SLC43A3: variants seen among roughly 807,000 people sequenced by gnomAD.
SLC43A3 encodes equilibrative nucleobase transporter 1.
Under a neutral mutation model 53.3 loss-of-function variants are expected in SLC43A3, and 33 were observed. The ratio of observed to expected loss-of-function variants is 0.62; its 90% confidence interval spans 0.47 to 0.83. The LOEUF (loss-of-function observed/expected upper bound fraction) is 0.83. Among genes scored for constraint, SLC43A3 ranks in the 40% least tolerant of loss-of-function variants. The probability of loss-of-function intolerance (pLI) is 0.00; values close to 1 mark genes in which losing one functional copy is unlikely to be tolerated. For synonymous variants in SLC43A3, 236 were observed against 246.2 expected (o/e 0.96, Z 0.39); for missense variants, 530 against 610.0 (o/e 0.87, Z 1.38).
intron 9 of SLC43A3, 177 bp from the exon 10 acceptor site, chr11:57,415,283 C>T: frequency 6.5e-7 from 1 of 1,530,958 alleles, no homozygotes; most frequent in African/African-American, 1.4e-5. Flanking sequence ...CACCTCCCTG[C>T]TTTGTCATGC....
intron 5 of SLC43A3, 151 bp downstream of exon 5, chr11:57,423,831 A>G (rs945780240): frequency 7.7e-6 from 5 of 651,092 alleles, no homozygotes; most frequent in Admixed American, 2.5e-5. Context: ...GACCAGCAAT[A>G]GCTCAAGATC....
chr11:57,421,203 C>G, intron 6 of SLC43A3, 94 bp downstream of exon 6: 1 of 1,311,752 alleles, frequency 7.6e-7, no homozygotes, highest in Non-Finnish European at 1.1e-6. Flanking sequence ...TTGGGCCAAC[C>G]CCATCTGAGG....
At chr11:57,418,668 T>C (rs564709176) in intron 7 of SLC43A3, among the ~76,000 whole-genome samples, 2 of 152,194 alleles carry the variant, frequency 1.3e-5, no homozygotes, top group Admixed American at 6.5e-5. Flanking sequence ...GGCAAGCAGA[T>C]CACCTGAGGC....
chr11:57,416,167 G>A (rs111569242), intron 9 of SLC43A3, among the ~76,000 whole-genome samples: 6 of 152,104 alleles, frequency 3.9e-5, no homozygotes, highest in Non-Finnish European at 8.8e-5. Flanking sequence ...AACCAAAGAC[G>A]CAGAACAGAG....
At position 57,410,034 on chromosome 11, in the gene SLC43A3, GCA is replaced by G. The variant is rs1942380105; in HGVS notation, c.1146_1147del (p.Ala383LeufsTer71). On this transcript the variant is annotated frameshift_variant, in exon 12 of 14. Transcript: ENST00000395124. LOFTEE classifies it high-confidence loss of function. ...CTGGAGAGGGAGGATGGGGACTGAGGCACAGAGGGCGAAGCCCAGGCACAGCA... is the reference window on the plus strand; with the variant it reads ...CTGGAGAGGGAGGATGGGGACTGAGGCAGAGGGCGAAGCCCAGGCACAGCA... The G allele has an allele frequency of 1.2e-6, 2 of 1,613,088 alleles. No individual in the cohort carries two copies. Among genetic ancestry groups the G allele is most frequent in the Non-Finnish European group, 1.7e-6 (2 of 1,179,746 alleles).
Position 57,425,775 on chromosome 11 carries a change from C to T in SLC43A3, c.185-105G>A, listed in dbSNP as rs1943180542. On this transcript the variant is annotated intron_variant, in intron 3 of 13. Coordinates refer to ENST00000395124, the MANE Select transcript of SLC43A3 (RefSeq NM_199329.3). The stretch of plus-strand genomic sequence containing the variant: ...GACAGCTTGTCGGTCGCAAACTTGT[C>T]CCTTAAGCTGAGTTGAAATGTGGCT... The T allele has an allele frequency of 1.9e-6, 3 of 1,541,136 alleles. No individual in the cohort carries two copies. In the South Asian group the frequency reaches 3.6e-5, roughly 19 times the overall value.
chr11:57,413,875 C>T (rs192949682), intron 11 of SLC43A3, among the ~76,000 whole-genome samples: 10 of 152,292 alleles, frequency 6.6e-5, no homozygotes, highest in Non-Finnish European at 1.5e-4. Context: ...TCTCCAAGGC[C>T]CCGCCTCTTC....
At chr11:57,410,810 T>TG (rs916379775) in intron 11 of SLC43A3, among the ~76,000 whole-genome samples, 1 of 152,172 alleles carries the variant, frequency 6.6e-6, no homozygotes, top group Non-Finnish European at 1.5e-5. Flanking sequence ...AACTGAATCA[T>TG]GGGGGCCAGT....
chr11:57,417,836 C>A lies in SLC43A3; in HGVS notation c.583G>T (p.Val195Phe). The stretch of plus-strand genomic sequence containing the variant: ...CGTGCTACATGCCAGGTACTGCAGA[C>A]AGAGATGAAGATGAAGGAGGCCCTG... ...SLRASFIFIS[V>F]CSTWHVARTF... Residue 195 changes from valine (V) to phenylalanine (F), a missense_variant, in exon 8 of 14, where the codon GTC (valine) becomes TTC (phenylalanine). Physicochemically the swap from Val to Phe is conservative, Grantham distance 50 (BLOSUM62 -1). This residue lies in a region of SLC43A3 where 376 missense variants were observed against 386.7 expected (regional missense o/e 0.97). Coordinates refer to ENST00000395124, the MANE Select transcript of SLC43A3 (RefSeq NM_199329.3). 1 of 1,614,148 alleles carries A rather than the reference C, an allele frequency of 6.2e-7. No homozygotes were observed. The highest frequency in any genetic ancestry group is 1.1e-5 in the South Asian group (1 of 91,084).
chr11:57,412,723 G>A (rs750547341), intron 11 of SLC43A3, among the ~76,000 whole-genome samples: 8 of 151,816 alleles, frequency 5.3e-5, no homozygotes, highest in African/African-American at 1.5e-4. Context: ...CAGGAGAATC[G>A]CTTGAACCTG....
Position 57,409,925 on chromosome 11 carries a change from G to A in SLC43A3, c.1247+10C>T, listed in dbSNP as rs989572596. 1.2e-6 allele frequency: 2 copies of A among 1,602,756 alleles called. No homozygotes were observed. The highest frequency in any genetic ancestry group is 2.7e-5 in the African/African-American group (2 of 74,636). On this transcript the variant is annotated intron_variant, in intron 12 of 13. Transcript: ENST00000395124. ...TCCGTCTCCACAGAGCCCGCCCCAA[G>A]GCCACTTACGCAAGGGTGAGGAAGG...
At chr11:57,411,658 T>G (rs572297807) in intron 11 of SLC43A3, among the ~76,000 whole-genome samples, 45 of 152,030 alleles carry the variant, frequency 3.0e-4, no homozygotes, top group Middle Eastern at 3.4e-3. Context: ...GAGTGAGACC[T>G]CATCCCTAAA....
intron 4 of SLC43A3, 70 bp downstream of exon 4, chr11:57,425,471 C>A: frequency 6.5e-7 from 1 of 1,548,272 alleles, no homozygotes; most frequent in Non-Finnish European, 8.8e-7. Context: ...CTGGATTTCA[C>A]TCCAAGCTAG....
intron 11 of SLC43A3, among the ~76,000 whole-genome samples, chr11:57,413,086 C>T (rs1942557122): frequency 6.7e-6 from 1 of 148,202 alleles, no homozygotes; most frequent in East Asian, 2.0e-4. Flanking sequence ...AAAAATTAAA[C>T]TGCGTTTCCT....
chr11:57,424,272 G>A (rs1259773833), intron 4 of SLC43A3, among the ~76,000 whole-genome samples: 4 of 152,246 alleles, frequency 2.6e-5, no homozygotes, highest in Non-Finnish European at 5.9e-5. Flanking sequence ...CCCAAGGCTA[G>A]CATGGAAAGT....
rs1230573888 is a variant in SLC43A3, at chr11:57,426,327, A to G, written c.-155T>C. On this transcript the variant is annotated 5_prime_UTR_variant, in exon 3 of 14. Coordinates refer to ENST00000395124, the MANE Select transcript of SLC43A3 (RefSeq NM_199329.3). ...CTGGTTGTTTCAGGCCTGGGCAAAA[A>G]CCATCAGCGGGTGATTCTCTGGATC... is the stretch of plus-strand genomic sequence containing the variant. 22 of 645,280 alleles carry G rather than the reference A, an allele frequency of 3.4e-5. No homozygotes were observed. The highest frequency in any genetic ancestry group is 4.8e-5 in the Non-Finnish European group (18 of 378,734). The allele number at this position is 645,280 out of a possible 1,614,324, so 40.0% of individuals were successfully genotyped here. A position where few individuals can be genotyped will look rare whatever the true frequency, so the allele number is the denominator to read the frequency against.
At chr11:57,418,517 C>G (rs892327681) in intron 7 of SLC43A3, among the ~76,000 whole-genome samples, 1 of 151,976 alleles carries the variant, frequency 6.6e-6, no homozygotes, top group African/African-American at 2.4e-5. Flanking sequence ...AACAGCAAGA[C>G]CTCATCTCTA....
intron 9 of SLC43A3, among the ~76,000 whole-genome samples, chr11:57,415,548 C>T (rs1942680608): frequency 1.3e-5 from 2 of 152,148 alleles, no homozygotes; most frequent in African/African-American, 2.4e-5. Flanking sequence ...GGAAATCTTC[C>T]TCTACCCTAA....
chr11:57,426,264 T>G lies in SLC43A3; in HGVS notation c.-92A>C. ...CCTGGCGTTTGAGCACTTGGAAAAT[T>G]CCTCTGGCAAGCCAAGCCCTTCCTT... On this transcript the variant is annotated 5_prime_UTR_variant, in exon 3 of 14. Coordinates refer to ENST00000395124, the MANE Select transcript of SLC43A3 (RefSeq NM_199329.3). 3.8e-6 allele frequency: 5 copies of G among 1,299,546 alleles called. No homozygotes were observed. Among genetic ancestry groups the G allele is most frequent in the Non-Finnish European group, 5.3e-6 (5 of 936,436 alleles). The allele number at this position is 1,299,546 out of a possible 1,614,324, so 80.5% of individuals were successfully genotyped here.
Sources: allele counts gnomAD v4.1 joint callset (sites outside exome capture counted in the v4.1 genomes callset), GRCh38; gene constraint gnomAD v4.1.1; regional missense constraint gnomAD v4.1.1; transcripts MANE v1.5; gene names NCBI Gene and HGNC (gene_info 2026-07-23, HGNC 2026-07-21).